BRINP1: variants seen among roughly 807,000 people sequenced by gnomAD.
BRINP1 encodes BMP/retinoic acid inducible neural specific 1.
A neutral mutation model predicts 72.9 loss-of-function variants in BRINP1; 17 were observed. That is an observed-to-expected ratio of 0.23 (90% CI 0.16 to 0.35). BRINP1 has a LOEUF of 0.35. BRINP1 is among the 10% of genes least tolerant of loss of function. The pLI, the probability that BRINP1 is intolerant of heterozygous loss-of-function variation, is 1.00. For missense variants in BRINP1, 850 were observed against 1,001.6 expected (o/e 0.85, Z 2.04); for synonymous variants, 418 against 378.5 (o/e 1.10, Z -1.21).
At chr9:119,310,403 G>A (rs1324619) in intron 2 of BRINP1, among the ~76,000 whole-genome samples, 9,091 of 152,252 alleles carry the variant, frequency 0.06, 411 homozygotes, top group Non-Finnish European at 0.077. Flanking sequence ...GGCTTGTAAA[G>A]CAACATGAGA....
intron 1 of BRINP1, among the ~76,000 whole-genome samples, chr9:119,354,879 C>T (rs1054634751): frequency 2.6e-5 from 4 of 151,906 alleles, no homozygotes; most frequent in Admixed American, 1.3e-4. Context: ...AGAGAAAAAA[C>T]GTAAGTATAA....
rs1829919988 is a variant in BRINP1, at chr9:119,211,017, G to T, written c.923-2076C>A. The stretch of plus-strand genomic sequence containing the variant: ...AGACAGGCCCTGATGACTCTGTTCT[G>T]TTTGGGACAGCTAGACTCTCCTCTC... On this transcript the variant is annotated intron_variant, in intron 6 of 7. Coordinates refer to ENST00000265922, the MANE Select transcript of BRINP1 (RefSeq NM_014618.3). Among the ~76,000 whole-genome samples the T allele has an allele frequency of 3.9e-5, 6 of 152,116 alleles. No individual in the cohort carries two copies. The South Asian group carries it at 1.2e-3, about 31-fold the overall frequency.
At chr9:119,248,176 T>A (rs1485182063) in intron 3 of BRINP1, among the ~76,000 whole-genome samples, 1 of 152,190 alleles carries the variant, frequency 6.6e-6, no homozygotes, top group Non-Finnish European at 1.5e-5. Flanking sequence ...TCTCTCCTAG[T>A]GGGCATGGGC....
chr9:119,364,417 G>A (rs1371208046), intron 1 of BRINP1, among the ~76,000 whole-genome samples: 6 of 152,142 alleles, frequency 3.9e-5, no homozygotes, highest in Non-Finnish European at 5.9e-5. Context: ...AAAAGGACTC[G>A]TCATTCCTGA....
At chr9:119,292,350 T>C (rs1830829066) in intron 2 of BRINP1, among the ~76,000 whole-genome samples, 1 of 152,178 alleles carries the variant, frequency 6.6e-6, no homozygotes. Context: ...AATAATGACA[T>C]AAGCTATATG....
chr9:119,172,415 C>G (rs1829425480), intron 7 of BRINP1, among the ~76,000 whole-genome samples: 1 of 152,136 alleles, frequency 6.6e-6, no homozygotes, highest in Non-Finnish European at 1.5e-5. Flanking sequence ...CATACGCTCT[C>G]CCAAGACTAA....
At chr9:119,250,626 T>A (rs922467354) in intron 2 of BRINP1, among the ~76,000 whole-genome samples, 2 of 152,208 alleles carry the variant, frequency 1.3e-5, no homozygotes, top group African/African-American at 4.8e-5. Flanking sequence ...TTCCCAGACA[T>A]GTACATGTAA....
chr9:119,262,725 C>T (rs1830510610), intron 2 of BRINP1, among the ~76,000 whole-genome samples: 1 of 151,698 alleles, frequency 6.6e-6, no homozygotes, highest in Non-Finnish European at 1.5e-5. Context: ...TATAAGTCAG[C>T]CCTCTACTCT....
intron 1 of BRINP1, among the ~76,000 whole-genome samples, chr9:119,319,625 T>A (rs368187590): frequency 4.6e-5 from 7 of 152,218 alleles, no homozygotes; most frequent in African/African-American, 1.7e-4. Context: ...TACTATATGC[T>A]GGCTTTAAAA....
chr9:119,167,277 T>C lies in BRINP1; in HGVS notation c.2093A>G (p.Asp698Gly). Residue 698 changes from aspartate (D) to glycine (G), a missense_variant, in exon 8 of 8, where the codon GAT becomes GGT. Transcript: ENST00000265922. The surrounding 1 kb of genome is among the most constrained non-coding windows in gnomAD (Gnocchi z 4.3). ...SSSSVMLLLL[D>G]IRDRINRLAP... ...CAGGCGATTAATTCGGTCCCGAATA[T>C]CCAACAAGAGGAGCATCACTGACGA... 6.2e-7 allele frequency: 1 copy of C among 1,614,142 alleles called. No individual in the cohort carries two copies. Among genetic ancestry groups the C allele is most frequent in the Non-Finnish European group, 8.5e-7 (1 of 1,180,036 alleles).
intron 1 of BRINP1, among the ~76,000 whole-genome samples, chr9:119,350,617 T>C (rs1831497821): frequency 6.6e-6 from 1 of 151,658 alleles, no homozygotes; most frequent in Non-Finnish European, 1.5e-5. Flanking sequence ...GAAATACACA[T>C]TAAAAAAAAA....
chr9:119,327,637 C>T (rs559447049), intron 1 of BRINP1, among the ~76,000 whole-genome samples: 9 of 152,162 alleles, frequency 5.9e-5, no homozygotes, highest in Admixed American at 4.6e-4. Context: ...CTGAACAAGA[C>T]ATCTTGTATT....
intron 5 of BRINP1, among the ~76,000 whole-genome samples, chr9:119,233,595 A>T (rs950713668): frequency 6.6e-6 from 1 of 152,134 alleles, no homozygotes; most frequent in African/African-American, 2.4e-5. Context: ...CTTTCTTTGC[A>T]GAGGATGTCA....
intron 6 of BRINP1, among the ~76,000 whole-genome samples, chr9:119,212,819 C>G (rs1255219322): frequency 1.3e-5 from 2 of 152,152 alleles, no homozygotes; most frequent in Non-Finnish European, 2.9e-5. Context: ...GGTCTTCTTT[C>G]CAAATCTTTC....
chr9:119,321,903 C>T (rs1831193359), intron 1 of BRINP1, among the ~76,000 whole-genome samples: 1 of 152,158 alleles, frequency 6.6e-6, no homozygotes, highest in Non-Finnish European at 1.5e-5. Flanking sequence ...TTCTATTGGG[C>T]AGCGGGGGTC....
chr9:119,276,394 A>G (rs963234251), intron 2 of BRINP1, among the ~76,000 whole-genome samples: 10 of 152,216 alleles, frequency 6.6e-5, no homozygotes, highest in East Asian at 1.9e-4. Flanking sequence ...TAGAAAATAT[A>G]AACTATTTTT....
intron 2 of BRINP1, among the ~76,000 whole-genome samples, chr9:119,297,190 A>G (rs1424364499): frequency 1.3e-5 from 2 of 152,208 alleles, no homozygotes; most frequent in Non-Finnish European, 2.9e-5. Context: ...CTTAAAAAGA[A>G]AAGAAATGGA....
At chr9:119,187,430 T>A (rs779880986) in intron 7 of BRINP1, among the ~76,000 whole-genome samples, 3 of 151,870 alleles carry the variant, frequency 2.0e-5, no homozygotes, top group Non-Finnish European at 4.4e-5. Flanking sequence ...ACTAGGCTAT[T>A]AAGGTACCCA....
chr9:119,291,385 G>A (rs1375898305), intron 2 of BRINP1, among the ~76,000 whole-genome samples: 1 of 152,214 alleles, frequency 6.6e-6, no homozygotes, highest in African/African-American at 2.4e-5. Context: ...TCTTGGGTCA[G>A]ACTATGCTAA....
Sources: allele counts gnomAD v4.1 joint callset (sites outside exome capture counted in the v4.1 genomes callset), GRCh38; gene constraint gnomAD v4.1.1; non-coding constraint Gnocchi (gnomAD v3.1); transcripts MANE v1.5; gene names NCBI Gene and HGNC (gene_info 2026-07-23, HGNC 2026-07-21).